The following RXFP1 variants were observed in gnomAD, a reference collection of about 807,000 sequenced individuals.
RXFP1 encodes the protein relaxin receptor 1.
A neutral mutation model predicts 89.8 loss-of-function variants in RXFP1; 73 were observed. The observed-to-expected ratio is 0.81, with a 90% CI of 0.67 to 0.99. The LOEUF (loss-of-function observed/expected upper bound fraction) is 0.99. Among genes scored for constraint, RXFP1 ranks in the 50% least tolerant of loss-of-function variants. The pLI is 0.00. For missense variants in RXFP1, 793 were observed against 895.5 expected (o/e 0.89, Z 1.46); for synonymous variants, 277 against 305.5 (o/e 0.91, Z 0.97).
intron 2 of RXFP1, among the ~76,000 whole-genome samples, chr4:158,588,663 C>G (rs1219603946): frequency 6.6e-6 from 1 of 152,170 alleles, no homozygotes; most frequent in African/African-American, 2.4e-5. Flanking sequence ...AATCCTGGCT[C>G]TACAGGAGGT....
intron 12 of RXFP1, 142 bp from the exon 13 acceptor site, chr4:158,637,866 A>T: frequency 1.7e-6 from 1 of 593,066 alleles, no homozygotes; most frequent in Non-Finnish European, 3.0e-6. Context: ...TTATAATTTT[A>T]CAGTTTAAGT....
intron 1 of RXFP1, among the ~76,000 whole-genome samples, chr4:158,554,866 T>C (rs1750936964): frequency 6.6e-6 from 1 of 152,168 alleles, no homozygotes; most frequent in African/African-American, 2.4e-5. Flanking sequence ...TAAGTAGAAA[T>C]GATAGATATT....
At chr4:158,597,773 T>C (rs1046293024) in intron 3 of RXFP1, among the ~76,000 whole-genome samples, 3 of 152,278 alleles carry the variant, frequency 2.0e-5, no homozygotes, top group Non-Finnish European at 2.9e-5. Flanking sequence ...TCCTACTTCA[T>C]TCTCAGGACC....
At chr4:158,611,521 G>A (rs1192185372) in intron 6 of RXFP1, among the ~76,000 whole-genome samples, 1 of 152,130 alleles carries the variant, frequency 6.6e-6, no homozygotes, top group East Asian at 1.9e-4. Context: ...TGAATTACCT[G>A]GTGATTTCTT....
At chr4:158,557,715 CA>C (rs1447087866) in intron 1 of RXFP1, among the ~76,000 whole-genome samples, 1 of 151,988 alleles carries the variant, frequency 6.6e-6, no homozygotes, top group Non-Finnish European at 1.5e-5. Flanking sequence ...AACTGTAATT[CA>C]AAAAAAGTCT....
rs534673620 is a variant in RXFP1, at chr4:158,598,386, A to G, written c.287-940A>G. 1.1e-4 allele frequency among the ~76,000 whole-genome samples: 17 copies of G among 152,276 alleles called. No individual in the cohort carries two copies. In the South Asian group the frequency reaches 1.4e-3, roughly 13 times the overall value. ...ACTTGGACATCTGGACACAGTCTACAGTGACATTGCCTGACCGCTGGAGAC... is the reference window on the plus strand; with the variant it reads ...ACTTGGACATCTGGACACAGTCTACGGTGACATTGCCTGACCGCTGGAGAC... On this transcript the variant is annotated intron_variant, in intron 3 of 17. Transcript: ENST00000307765.
At chr4:158,542,875 C>A (rs1267690159) in intron 1 of RXFP1, among the ~76,000 whole-genome samples, 1 of 152,006 alleles carries the variant, frequency 6.6e-6, no homozygotes, top group East Asian at 1.9e-4. Context: ...GTGACTTAAA[C>A]AAATAAGAAC....
intron 1 of RXFP1, among the ~76,000 whole-genome samples, chr4:158,540,174 T>G (rs980733131): frequency 2.6e-5 from 4 of 152,120 alleles, no homozygotes; most frequent in Admixed American, 6.5e-5. Flanking sequence ...GCAAGTTTAT[T>G]AAGAAAGCAA....
At chr4:158,647,646 A>C (rs1408527463) in intron 16 of RXFP1, among the ~76,000 whole-genome samples, 1 of 152,182 alleles carries the variant, frequency 6.6e-6, no homozygotes, top group African/African-American at 2.4e-5. Context: ...AGGTGGGAGG[A>C]TCACTTGAGG....
At chr4:158,555,535 C>T (rs770555028) in intron 1 of RXFP1, among the ~76,000 whole-genome samples, 5 of 152,104 alleles carry the variant, frequency 3.3e-5, no homozygotes, top group South Asian at 2.1e-4. Context: ...GTGCAATAGC[C>T]GCACACAGGT....
chr4:158,617,831 T>C (rs1181176367), intron 9 of RXFP1, among the ~76,000 whole-genome samples: 2 of 152,130 alleles, frequency 1.3e-5, no homozygotes. Flanking sequence ...GAAAACTCCC[T>C]CTGTCTCTTA....
intron 1 of RXFP1, among the ~76,000 whole-genome samples, chr4:158,543,154 C>G (rs1301096023): frequency 6.6e-6 from 1 of 152,124 alleles, no homozygotes. Context: ...GAAGTAAGTG[C>G]TTGCTGGCAT....
intron 4 of RXFP1, among the ~76,000 whole-genome samples, chr4:158,601,474 G>A (rs1308810889): frequency 2.0e-5 from 3 of 152,162 alleles, no homozygotes; most frequent in African/African-American, 4.8e-5. Flanking sequence ...AGGAGTTTAT[G>A]TCTACGGTAT....
chr4:158,639,214 G>A (rs1391592874), intron 13 of RXFP1, 46 bp from the exon 14 acceptor site: 2 of 1,051,628 alleles, frequency 1.9e-6, no homozygotes, highest in Admixed American at 3.6e-5. Context: ...ATTAAACCAT[G>A]TATAATACAT....
intron 5 of RXFP1, among the ~76,000 whole-genome samples, chr4:158,605,462 A>G (rs1014040887): frequency 1.3e-5 from 2 of 152,184 alleles, no homozygotes; most frequent in Non-Finnish European, 2.9e-5. Flanking sequence ...GAATACCTCA[A>G]TGCTCATCTT....
At chr4:158,573,304 A>G (rs1304469859) in intron 2 of RXFP1, among the ~76,000 whole-genome samples, 1 of 152,028 alleles carries the variant, frequency 6.6e-6, no homozygotes, top group Non-Finnish European at 1.5e-5. Flanking sequence ...CACCGTGCCC[A>G]CCCTTAATAT....
intron 3 of RXFP1, among the ~76,000 whole-genome samples, chr4:158,594,978 C>G (rs903681991): frequency 6.6e-6 from 1 of 151,908 alleles, no homozygotes; most frequent in African/African-American, 2.4e-5. Flanking sequence ...CATTATTTTT[C>G]TAAGGTTGCA....
At chr4:158,624,538 G>A (rs1403402173) in intron 9 of RXFP1, among the ~76,000 whole-genome samples, 1 of 152,000 alleles carries the variant, frequency 6.6e-6, no homozygotes, top group Non-Finnish European at 1.5e-5. Flanking sequence ...TAGTCTCAGA[G>A]GCTCATTAGA....
intron 17 of RXFP1, among the ~76,000 whole-genome samples, 161 bp from the exon 18 acceptor site, chr4:158,651,596 A>G (rs189468682): frequency 1.2e-3 from 177 of 152,340 alleles, no homozygotes; most frequent in Middle Eastern, 3.4e-3. Context: ...CTCTGGAAAG[A>G]TATCTTGGAA....
Sources: gnomAD v4.1 joint callset for allele counts (sites outside exome capture counted in the v4.1 genomes callset) on GRCh38, gnomAD v4.1.1 for gene constraint, MANE v1.5 for transcripts, NCBI Gene and HGNC (gene_info 2026-07-23, HGNC 2026-07-21) for gene names.